The following LRP1B variants were observed in gnomAD, a reference collection of about 807,000 sequenced individuals.
The protein encoded by LRP1B is LDL receptor related protein 1B.
In LRP1B, 217 loss-of-function variants were observed where a neutral mutation model predicts 556.6. That is an observed-to-expected ratio of 0.39 (90% CI 0.35 to 0.44). LRP1B has a LOEUF of 0.44. LRP1B is among the 20% of genes least tolerant of loss of function. The pLI, the probability that LRP1B is intolerant of heterozygous loss-of-function variation, is 1.00. For synonymous variants in LRP1B, 2,047 were observed against 1,865.8 expected (o/e 1.10, Z -2.50); for missense variants, 5,053 against 5,620.8 (o/e 0.90, Z 3.23).
rs1364248949 is a variant in LRP1B at position 141,822,128 on chromosome 2, C to CAGAGAGAGAGAG, written c.83-11728_83-11727insCTCTCTCTCTCT. On this transcript the variant is annotated intron_variant, in intron 1 of 90. Transcript: ENST00000389484. ...ACACACACACACACACACACACACACACAGAGAGAGAGAGAGAGAGAGAGA... is the reference window on the plus strand; with the variant it reads ...ACACACACACACACACACACACACACAGAGAGAGAGAGACAGAGAGAGAGAGAGAGAGAGAGA... 1.3e-3 allele frequency among the ~76,000 whole-genome samples: 156 copies of CAGAGAGAGAGAG among 117,160 alleles called. 2 individuals carry two copies. The highest frequency in any genetic ancestry group is 7.4e-3 in the South Asian group (24 of 3,240). 76.9% of individuals were successfully genotyped at this position (117,160 alleles called of 152,430 possible). A position where few individuals can be genotyped will look rare whatever the true frequency, so the allele number is the denominator to read the frequency against.
In LRP1B at chr2:141,302,373, A is replaced by G. The variant is rs1457230327; in HGVS notation, c.344-47732T>C. ...ATTTTCTCAAGTCTACCCAAACAGT[A>G]TTCCTTGTTCTTCAGATTATGTAAT... On this transcript the variant is annotated intron_variant, in intron 3 of 90. Coordinates refer to ENST00000389484, the MANE Select transcript of LRP1B (RefSeq NM_018557.3). Among the ~76,000 whole-genome samples the G allele has an allele frequency of 2.6e-5, 4 of 152,104 alleles. 1 individual carries two copies. Among genetic ancestry groups the G allele is most frequent in the Admixed American group, 2.6e-4 (4 of 15,266 alleles).
chr2:141,443,474 C>CAACAAA (rs1681063787), intron 3 of LRP1B, among the ~76,000 whole-genome samples: 1 of 152,102 alleles, frequency 6.6e-6, no homozygotes. Flanking sequence ...GTTGCCATTG[C>CAACAAA]TTTTGGTGTT....
intron 35 of LRP1B, among the ~76,000 whole-genome samples, chr2:140,761,541 A>T (rs1347879115): frequency 1.3e-5 from 2 of 151,970 alleles, no homozygotes; most frequent in Non-Finnish European, 2.9e-5. Context: ...GCCTTCTCCC[A>T]CTCTCTTATT....
intron 69 of LRP1B, among the ~76,000 whole-genome samples, chr2:140,372,442 G>A (rs981334109): frequency 6.6e-6 from 1 of 152,000 alleles, no homozygotes; most frequent in African/African-American, 2.4e-5. Context: ...TTTTCTGTAA[G>A]ATAATGTAAT....
Position 140,702,210 on chromosome 2 carries a change from A to G in LRP1B, c.6233T>C (p.Val2078Ala). The G allele has an allele frequency of 6.2e-7, 1 of 1,613,804 alleles. No homozygotes were observed. The change falls in exon 39 of 91, where the codon GTG becomes GCG. Residue 2078 changes from valine (V) to alanine (A), a missense_variant. Val to Ala is a moderately conservative substitution (Grantham distance 64). Around this residue, in one of 5 missense-constraint regions of LRP1B, gnomAD observed 3,619 missense variants for 3,931.9 expected, o/e 0.92. Coordinates refer to ENST00000389484, the MANE Select transcript of LRP1B (RefSeq NM_018557.3). Reference protein sequence around the residue: ...DLETGGNREMVLSGSNVDMFS... With the variant: ...DLETGGNREMALSGSNVDMFS... ...CATATCCACATTGCTTCCTGACAGC[A>G]CCATCTCGCGATTCCCTCCAGTCTC...
intron 3 of LRP1B, among the ~76,000 whole-genome samples, chr2:141,448,814 G>A (rs1681299270): frequency 6.6e-6 from 1 of 152,172 alleles, no homozygotes; most frequent in Non-Finnish European, 1.5e-5. Context: ...ATCTTGCTGG[G>A]AGCTGCAGAC....
chr2:140,376,079 T>A (rs1055981782), intron 68 of LRP1B, among the ~76,000 whole-genome samples: 6 of 152,080 alleles, frequency 3.9e-5, no homozygotes, highest in African/African-American at 1.4e-4. Context: ...TGTTAGCTAC[T>A]TACATATAGA....
At chr2:140,956,729 A>G (rs1695884804) in intron 18 of LRP1B, among the ~76,000 whole-genome samples, 1 of 151,730 alleles carries the variant, frequency 6.6e-6, no homozygotes, top group South Asian at 2.1e-4. Context: ...ATCTCATTTT[A>G]TATACCAAGT....
chr2:141,777,504 C>T (rs1353504136), intron 2 of LRP1B, among the ~76,000 whole-genome samples: 1 of 152,162 alleles, frequency 6.6e-6, no homozygotes, highest in East Asian at 1.9e-4. Context: ...CAGCCTCCGC[C>T]TCCCGGGTTC....
At chr2:140,610,068 A>G (rs776446373) in intron 41 of LRP1B, among the ~76,000 whole-genome samples, 8 of 150,430 alleles carry the variant, frequency 5.3e-5, no homozygotes, top group Non-Finnish European at 1.0e-4. Context: ...TTCTTGACAC[A>G]TGTAATATTC....
At chr2:141,923,471 T>TA (rs1386044937) in intron 1 of LRP1B, among the ~76,000 whole-genome samples, 3 of 121,528 alleles carry the variant, frequency 2.5e-5, no homozygotes, top group East Asian at 2.6e-4. Context: ...TGTGTGTGTG[T>TA]GTGTGTGTGT....
At chr2:141,757,774 T>C (rs978884160) in intron 2 of LRP1B, among the ~76,000 whole-genome samples, 1 of 152,096 alleles carries the variant, frequency 6.6e-6, no homozygotes, top group African/African-American at 2.4e-5. Flanking sequence ...TGGGCTCAAG[T>C]GATCCTCCCA....
chr2:141,814,530 G>A (rs1183143493), intron 1 of LRP1B, among the ~76,000 whole-genome samples: 3 of 152,186 alleles, frequency 2.0e-5, no homozygotes, highest in African/African-American at 7.2e-5. Flanking sequence ...TGGTACTGTG[G>A]AAAAACATGT....
chr2:140,310,135 C>T (rs977077718), intron 83 of LRP1B, among the ~76,000 whole-genome samples: 1 of 151,714 alleles, frequency 6.6e-6, no homozygotes. Context: ...TTCTGCTCCC[C>T]AAACTCCTGC....
intron 3 of LRP1B, among the ~76,000 whole-genome samples, chr2:141,335,447 A>C (rs1573822154): frequency 6.6e-6 from 1 of 152,332 alleles, no homozygotes; most frequent in Admixed American, 6.5e-5. Context: ...AGGCTGAAAT[A>C]GAGTAGTTTA....
chr2:141,345,708 T>C (rs1480515544), intron 3 of LRP1B, among the ~76,000 whole-genome samples: 1 of 151,464 alleles, frequency 6.6e-6, no homozygotes, highest in East Asian at 1.9e-4. Context: ...TTTTCCTATT[T>C]TGCCCAGGCT....
chr2:141,105,068 T>C (rs994950764), intron 7 of LRP1B, among the ~76,000 whole-genome samples: 3 of 152,082 alleles, frequency 2.0e-5, no homozygotes, highest in African/African-American at 7.2e-5. Flanking sequence ...GACTGTATTA[T>C]AGTAATATCC....
At chr2:140,239,665 G>T in intron 87 of LRP1B, 133 bp from the exon 88 acceptor site, 1 of 517,574 alleles carries the variant, frequency 1.9e-6, no homozygotes, top group Non-Finnish European at 3.4e-6. Flanking sequence ...TTTATATTTC[G>T]GGTTCATAAT....
At chr2:141,295,943 T>C (rs1182421660) in intron 3 of LRP1B, among the ~76,000 whole-genome samples, 1 of 152,206 alleles carries the variant, frequency 6.6e-6, no homozygotes, top group Non-Finnish European at 1.5e-5. Flanking sequence ...TAGTCTCGGT[T>C]AATTTCCGCT....
Sources: gnomAD v4.1 joint callset for allele counts (sites outside exome capture counted in the v4.1 genomes callset) on GRCh38, gnomAD v4.1.1 for gene constraint, gnomAD v4.1.1 regional missense constraint, MANE v1.5 for transcripts, NCBI Gene and HGNC (gene_info 2026-07-23, HGNC 2026-07-21) for gene names.